SGCZ: variants seen among roughly 807,000 people sequenced by gnomAD.
The protein encoded by SGCZ is sarcoglycan zeta, also known as zeta-sarcoglycan.
Under a neutral mutation model 41.3 loss-of-function variants are expected in SGCZ, and 40 were observed. That is an observed-to-expected ratio of 0.97 (90% CI 0.75 to 1.26). The LOEUF is 1.26. Among genes scored for constraint, SGCZ ranks in the 50% most tolerant of loss-of-function variants. The pLI, the probability that SGCZ is intolerant of heterozygous loss-of-function variation, is 0.00. For missense variants in SGCZ, 552 were observed against 369.8 expected, an observed-to-expected ratio of 1.49 and a Z score of -4.04; for synonymous variants, 206 against 137.5, an observed-to-expected ratio of 1.50 and a Z score of -3.49.
At chr8:14,214,784 T>A (rs1585239373) in intron 4 of SGCZ, among the ~76,000 whole-genome samples, 1 of 152,076 alleles carries the variant, frequency 6.6e-6, no homozygotes, top group Non-Finnish European at 1.5e-5. Flanking sequence ...AAGGACATTA[T>A]ATAATTATTT....
intron 2 of SGCZ, among the ~76,000 whole-genome samples, chr8:14,385,738 CA>C (rs1263768565): frequency 6.6e-6 from 1 of 151,860 alleles, no homozygotes; most frequent in African/African-American, 2.4e-5. Flanking sequence ...ACCAACCAAA[CA>C]AAAACAAAAA....
At chr8:14,818,981 C>T (rs1801988046) in intron 1 of SGCZ, among the ~76,000 whole-genome samples, 1 of 151,930 alleles carries the variant, frequency 6.6e-6, no homozygotes, top group South Asian at 2.1e-4. Flanking sequence ...ACAGAAAAGT[C>T]ATCTAATGAA....
chr8:14,498,367 G>C (rs192666042), intron 2 of SGCZ, among the ~76,000 whole-genome samples: 2 of 152,034 alleles, frequency 1.3e-5, no homozygotes, highest in African/African-American at 2.4e-5. Context: ...TTCAGACTTA[G>C]AATTCTGATA....
At chr8:14,279,461 C>T (rs1460664109) in intron 3 of SGCZ, among the ~76,000 whole-genome samples, 5 of 151,462 alleles carry the variant, frequency 3.3e-5, no homozygotes, top group South Asian at 4.2e-4. Context: ...CATTTTTTTT[C>T]AACTTCTAAT....
intron 1 of SGCZ, among the ~76,000 whole-genome samples, chr8:14,946,124 A>C (rs1434760712): frequency 7.1e-6 from 1 of 139,870 alleles, no homozygotes; most frequent in Non-Finnish European, 1.5e-5. Flanking sequence ...GACTAATACA[A>C]CTACATTTGT....
At chr8:14,786,543 A>C (rs1349417400) in intron 1 of SGCZ, among the ~76,000 whole-genome samples, 1 of 150,204 alleles carries the variant, frequency 6.7e-6, no homozygotes, top group Non-Finnish European at 1.5e-5. Flanking sequence ...AATACTAACC[A>C]ATTATTTGAG....
intron 1 of SGCZ, among the ~76,000 whole-genome samples, chr8:14,579,362 A>G (rs116519237): frequency 0.027 from 4,100 of 152,308 alleles, 192 homozygotes; most frequent in African/African-American, 0.093. Context: ...TCAGAAATGC[A>G]TGTTCTCATT....
At chr8:14,297,061 A>G (rs1269419553) in intron 3 of SGCZ, among the ~76,000 whole-genome samples, 1 of 152,020 alleles carries the variant, frequency 6.6e-6, no homozygotes, top group Non-Finnish European at 1.5e-5. Context: ...AGTGAGGAGT[A>G]CAGACGCACA....
At chr8:14,555,024 G>A (rs543884897) in intron 1 of SGCZ, 98 bp from the exon 2 acceptor site, 82 of 1,108,620 alleles carry the variant, frequency 7.4e-5, no homozygotes, top group South Asian at 5.3e-4. Context: ...AACAATGTAC[G>A]TTAAAATAAT....
chr8:15,221,031 G>T (rs185792171), intron 1 of SGCZ, among the ~76,000 whole-genome samples: 1 of 152,140 alleles, frequency 6.6e-6, no homozygotes, highest in African/African-American at 2.4e-5. Context: ...GGTATAGGGG[G>T]AGGGATAGCA....
chr8:14,589,256 G>A (rs1193989294), intron 1 of SGCZ, among the ~76,000 whole-genome samples: 2 of 149,832 alleles, frequency 1.3e-5, no homozygotes, highest in African/African-American at 4.9e-5. Flanking sequence ...TGAGGCAGGA[G>A]AATTGTTTGA....
chr8:14,497,692 G>C (rs1397209721), intron 2 of SGCZ, among the ~76,000 whole-genome samples: 1 of 152,034 alleles, frequency 6.6e-6, no homozygotes, highest in East Asian at 1.9e-4. Flanking sequence ...GAAGCCAAAA[G>C]ACTGGACATT....
chr8:14,222,266 G>A (rs1280070539), intron 4 of SGCZ, among the ~76,000 whole-genome samples: 1 of 151,850 alleles, frequency 6.6e-6, no homozygotes. Flanking sequence ...CGCCTCCCGG[G>A]TTCAAGCAAT....
intron 1 of SGCZ, among the ~76,000 whole-genome samples, chr8:14,719,744 C>G (rs146517214): frequency 0.18 from 27,059 of 151,582 alleles, 2,998 homozygotes; most frequent in East Asian, 0.32. Flanking sequence ...ATTGTAGATT[C>G]TAGATATTAG....
At chr8:15,011,803 C>T (rs1043176389) in intron 1 of SGCZ, among the ~76,000 whole-genome samples, 1 of 152,148 alleles carries the variant, frequency 6.6e-6, no homozygotes, top group African/African-American at 2.4e-5. Flanking sequence ...TGCAAATATC[C>T]ATTGTACATA....
At chr8:14,700,312 G>A (rs773592645) in intron 1 of SGCZ, among the ~76,000 whole-genome samples, 11 of 152,008 alleles carry the variant, frequency 7.2e-5, no homozygotes, top group Non-Finnish European at 1.3e-4. Flanking sequence ...GCAGCAATAT[G>A]GATGCAGCTA....
intron 1 of SGCZ, among the ~76,000 whole-genome samples, chr8:14,679,425 T>C (rs1808372300): frequency 6.6e-6 from 1 of 151,830 alleles, no homozygotes; most frequent in Non-Finnish European, 1.5e-5. Flanking sequence ...ACATTGATGA[T>C]CCTGACCCCG....
intron 1 of SGCZ, among the ~76,000 whole-genome samples, chr8:15,222,922 C>T (rs1172573269): frequency 3.3e-5 from 5 of 152,086 alleles, no homozygotes; most frequent in African/African-American, 1.2e-4. Context: ...TGCCAACATT[C>T]AATTTTAGTT....
chr8:14,802,281 T>A (rs539506020), intron 1 of SGCZ, among the ~76,000 whole-genome samples: 1 of 152,186 alleles, frequency 6.6e-6, no homozygotes, highest in Non-Finnish European at 1.5e-5. Flanking sequence ...TGCTTCCCCA[T>A]GAATAAATCA....
Sources: allele counts gnomAD v4.1 joint callset (sites outside exome capture counted in the v4.1 genomes callset), GRCh38; gene constraint gnomAD v4.1.1; transcripts MANE v1.5; gene names NCBI Gene and HGNC (gene_info 2026-07-23, HGNC 2026-07-21).